The following SLC5A11 variants were observed in gnomAD, a reference collection of about 807,000 sequenced individuals.
SLC5A11 encodes the protein solute carrier family 5 member 11.
SLC5A11 carries 48 observed loss-of-function variants against 69.8 expected under a neutral mutation model. That is an observed-to-expected ratio of 0.69 (90% CI 0.55 to 0.87). The LOEUF is 0.87. SLC5A11 is among the 40% of genes least tolerant of loss of function. The probability of loss-of-function intolerance (pLI) is 0.00; values close to 1 mark genes in which losing one functional copy is unlikely to be tolerated. For synonymous variants in SLC5A11, 319 were observed against 342.4 expected, an observed-to-expected ratio of 0.93 and a Z score of 0.75; for missense variants, 784 against 866.1, an observed-to-expected ratio of 0.91 and a Z score of 1.19.
chr16:24,910,806 G>A lies in SLC5A11; in HGVS notation c.1822+329G>A, dbSNP rs1009493376. Among the ~76,000 whole-genome samples, 6 of 152,102 alleles carry A rather than the reference G, an allele frequency of 3.9e-5. 1 individual carries two copies. The highest frequency in any genetic ancestry group is 2.6e-4 in the Admixed American group (4 of 15,258). On this transcript the variant is annotated intron_variant, in intron 15 of 15. Transcript: ENST00000347898. ...TCTCTCAGTTAGTGCTTCTAAACTGGCGGCTTGCAGACATATTTTGGCTTA... is the reference window on the plus strand; with the variant it reads ...TCTCTCAGTTAGTGCTTCTAAACTGACGGCTTGCAGACATATTTTGGCTTA...
intron 7 of SLC5A11, among the ~76,000 whole-genome samples, chr16:24,880,692 T>A (rs2047988389): frequency 6.6e-6 from 1 of 152,152 alleles, no homozygotes; most frequent in South Asian, 2.1e-4. Context: ...CAGACAGCAC[T>A]GGGGATGGTG....
chr16:24,900,078 G>A (rs2049471845), intron 10 of SLC5A11, among the ~76,000 whole-genome samples: 1 of 152,048 alleles, frequency 6.6e-6, no homozygotes, highest in Non-Finnish European at 1.5e-5. Context: ...TTCTTAATGT[G>A]GTAAGGGAAT....
intron 10 of SLC5A11, among the ~76,000 whole-genome samples, chr16:24,905,167 C>T (rs2049924375): frequency 6.7e-6 from 1 of 148,968 alleles, no homozygotes; most frequent in Non-Finnish European, 1.5e-5. Context: ...CCTCAAAACA[C>T]AATCCCAGCA....
intron 3 of SLC5A11, among the ~76,000 whole-genome samples, chr16:24,862,958 T>TATATAATATATAATC (rs1567587417): frequency 3.6e-5 from 5 of 138,292 alleles, no homozygotes; most frequent in Middle Eastern, 7.5e-3. Context: ...AACATATAAT[T>TATATAATATATAATC]ATATATTATA....
At chr16:24,880,570 G>A (rs1359400094) in intron 7 of SLC5A11, among the ~76,000 whole-genome samples, 1 of 152,124 alleles carries the variant, frequency 6.6e-6, no homozygotes, top group Non-Finnish European at 1.5e-5. Flanking sequence ...CCATCCTCAG[G>A]TGATCTGCCC....
At position 24,900,038 on chromosome 16, in the gene SLC5A11, G is replaced by A. The variant is rs542885498; in HGVS notation, c.1006+1929G>A. ...TTCTTAACAAATCTCATGGGATATC[G>A]AGGCCTCTAGAGCATTTGCTTTAGT... On this transcript the variant is annotated intron_variant, in intron 10 of 15. Transcript: ENST00000347898. Among the ~76,000 whole-genome samples the A allele has an allele frequency of 4.5e-4, 68 of 152,184 alleles. 1 individual carries two copies. The highest frequency in any genetic ancestry group is 6.5e-4 in the African/African-American group (27 of 41,540).
intron 3 of SLC5A11, among the ~76,000 whole-genome samples, chr16:24,866,283 A>G (rs2046909128): frequency 6.6e-6 from 1 of 151,774 alleles, no homozygotes; most frequent in South Asian, 2.1e-4. Flanking sequence ...TATGTTGTCT[A>G]CAAGAGATAT....
intron 10 of SLC5A11, among the ~76,000 whole-genome samples, chr16:24,902,102 A>G (rs895990275): frequency 1.3e-5 from 2 of 152,154 alleles, no homozygotes; most frequent in African/African-American, 4.8e-5. Context: ...ACAAAGTGAG[A>G]CTGTGTCTCA....
At chr16:24,902,807 G>T (rs1039875856) in intron 10 of SLC5A11, among the ~76,000 whole-genome samples, 1 of 152,090 alleles carries the variant, frequency 6.6e-6, no homozygotes, top group Non-Finnish European at 1.5e-5. Flanking sequence ...CCAAAGTGTC[G>T]GAATTACAGG....
At chr16:24,877,658 T>A (rs775345402) in intron 7 of SLC5A11, among the ~76,000 whole-genome samples, 1 of 152,156 alleles carries the variant, frequency 6.6e-6, no homozygotes, top group African/African-American at 2.4e-5. Flanking sequence ...CAGACCAGCC[T>A]GGCCAACATG....
chr16:24,875,701 C>T (rs544233138), exon 6 of SLC5A11: 1 of 1,613,948 alleles, frequency 6.2e-7, no homozygotes. Flanking sequence ...CTGTACTCTA[C>T]CTATTTATCT....
At chr16:24,865,643 C>T (rs2152281140) in intron 3 of SLC5A11, among the ~76,000 whole-genome samples, 1 of 152,094 alleles carries the variant, frequency 6.6e-6, no homozygotes, top group Non-Finnish European at 1.5e-5. Flanking sequence ...AAAAAGGCTA[C>T]CAATCAAAAC....
intron 8 of SLC5A11, 106 bp downstream of exon 9, chr16:24,884,237 C>A: frequency 1.9e-6 from 2 of 1,075,398 alleles, no homozygotes; most frequent in South Asian, 1.6e-5. Flanking sequence ...AAAGAGCATA[C>A]TACTGGGGAA....
chr16:24,858,050 A>T (rs2059607659), intron 1 of SLC5A11, among the ~76,000 whole-genome samples: 1 of 152,214 alleles, frequency 6.6e-6, no homozygotes. Flanking sequence ...CTGTGTCTCA[A>T]CTTCACCATC....
chr16:24,898,331 C>T (rs2049327837), intron 10 of SLC5A11, among the ~76,000 whole-genome samples: 1 of 152,164 alleles, frequency 6.6e-6, no homozygotes, highest in African/African-American at 2.4e-5. Flanking sequence ...CCCACCTCAG[C>T]CTCCTGAGTA....
intron 10 of SLC5A11, among the ~76,000 whole-genome samples, chr16:24,901,204 A>C (rs1185512775): frequency 6.6e-6 from 1 of 152,180 alleles, no homozygotes; most frequent in Admixed American, 6.5e-5. Context: ...GCTCTATCCA[A>C]GTGTTTACTA....
At chr16:24,854,554 A>G (rs2059447247) in intron 1 of SLC5A11, among the ~76,000 whole-genome samples, 1 of 151,832 alleles carries the variant, frequency 6.6e-6, no homozygotes, top group African/African-American at 2.4e-5. Flanking sequence ...CTTAGCCTCC[A>G]AAGTAGCTGG....
intron 3 of SLC5A11, 74 bp from the exon 5 acceptor site, chr16:24,869,827 T>C (rs2047156992): frequency 9.6e-7 from 1 of 1,045,094 alleles, no homozygotes; most frequent in Admixed American, 1.8e-5. Flanking sequence ...CTTTGGAGCA[T>C]GGAAATAATT....
intron 9 of SLC5A11, among the ~76,000 whole-genome samples, chr16:24,891,917 G>A (rs1445180086): frequency 2.0e-5 from 3 of 151,908 alleles, no homozygotes; most frequent in African/African-American, 7.3e-5. Flanking sequence ...TGAGGTCAAG[G>A]AGATTGAGAG....
Sources: allele counts gnomAD v4.1 joint callset (sites outside exome capture counted in the v4.1 genomes callset), GRCh38; gene constraint gnomAD v4.1.1; transcripts MANE v1.5; gene names NCBI Gene and HGNC (gene_info 2026-07-23, HGNC 2026-07-21).